TNRC18: variants seen among roughly 807,000 people sequenced by gnomAD.
The protein encoded by TNRC18 is trinucleotide repeat-containing gene 18 protein.
In TNRC18, 69 loss-of-function variants were observed where a neutral mutation model predicts 226.7. The ratio of observed to expected loss-of-function variants is 0.30; its 90% confidence interval spans 0.25 to 0.37. The LOEUF (loss-of-function observed/expected upper bound fraction) is 0.37, where lower values mean the gene tolerates loss of function less well. TNRC18 is among the 10% of genes least tolerant of loss of function. TNRC18 has a pLI of 1.00. For synonymous variants in TNRC18, 2,449 were observed against 1,927.6 expected, an observed-to-expected ratio of 1.27 and a Z score of -7.09; for missense variants, 4,754 against 4,256.6, an observed-to-expected ratio of 1.12 and a Z score of -3.25.
At chr7:5,370,322 C>G in intron 11 of TNRC18, 53 bp downstream of exon 11, 1 of 1,497,540 alleles carries the variant, frequency 6.7e-7, no homozygotes, top group Non-Finnish European at 8.9e-7. Context: ...GACCCCATCA[C>G]CACAAAACTA....
chr7:5,345,554 C>A lies in TNRC18; in HGVS notation c.5719+8G>T. ...CACCCCCACCGCAGCCCACCTGCTG[C>A]CACTTACCCAGCAGGCTCTGCCGCT... On this transcript the variant is annotated splice_region_variant and intron_variant, in intron 18 of 29. Transcript: ENST00000430969. 1 of 1,453,214 alleles carries A rather than the reference C, an allele frequency of 6.9e-7. No homozygotes were observed. The highest frequency in any genetic ancestry group is 9.1e-7 in the Non-Finnish European group (1 of 1,094,234). 90.0% of individuals were successfully genotyped at this position (1,453,214 alleles called of 1,614,324 possible).
Position 5,308,055 on chromosome 7 carries a change from T to C in TNRC18, c.*51A>G, listed in dbSNP as rs1182111153. ...CTCCGCGCCATGGCAGTGATGGAGA[T>C]GGGTCCCTGGCCGCCCTCGGGGCAC... is the stretch of plus-strand genomic sequence containing the variant. On this transcript the variant is annotated 3_prime_UTR_variant, in exon 30 of 30. Coordinates refer to ENST00000430969, the MANE Select transcript of TNRC18 (RefSeq NM_001080495.3). 2.0e-6 allele frequency: 3 copies of C among 1,501,954 alleles called. No individual in the cohort carries two copies. Among genetic ancestry groups the C allele is most frequent in the Admixed American group, 2.0e-5 (1 of 49,144 alleles). The allele number at this position is 1,501,954 out of a possible 1,614,324, so 93.0% of individuals were successfully genotyped here.
intron 19 of TNRC18, 26 bp from the exon 20 acceptor site, chr7:5,325,274 G>C: frequency 6.5e-7 from 1 of 1,543,336 alleles, no homozygotes; most frequent in Non-Finnish European, 8.7e-7. Flanking sequence ...GCAGAGAGGA[G>C]CCATCAAACG....
rs1035133969 is a variant in TNRC18 at position 5,403,757 on chromosome 7, A to G, written c.188-9162T>C. Among the ~76,000 whole-genome samples the G allele has an allele frequency of 5.9e-5, 9 of 151,790 alleles. No homozygotes were observed. The South Asian group carries it at 1.9e-3, about 32-fold the overall frequency. The stretch of plus-strand genomic sequence containing the variant: ...TTGAGCTATGGTTGCACCACTGCAC[A>G]CCAGCCTGGGCAACAGAGTGAGACC... On this transcript the variant is annotated intron_variant, in intron 2 of 29. Transcript: ENST00000430969.
chr7:5,370,540 G>A lies in TNRC18; in HGVS notation c.4054C>T (p.Pro1352Ser), dbSNP rs1281915100. The A allele has an allele frequency of 1.2e-6, 2 of 1,605,358 alleles. No individual in the cohort carries two copies. The highest frequency in any genetic ancestry group is 1.7e-5 in the Admixed American group (1 of 58,592). Residue 1352 changes from proline to serine, a missense_variant, in exon 11 of 30, where the codon CCC becomes TCC. Pro to Ser is a moderately conservative substitution (Grantham distance 74, BLOSUM62 -1). Transcript: ENST00000430969. ...MNALAAAAEL[P>S]QARPLPSPGA... is the part of the protein sequence containing the mutation. ...GGGGAGGGCAGAGGCCTGGCCTGGGGCAGCTCCGCAGCTGCCGCCAGGGCG... is the reference window on the plus strand; with the variant it reads ...GGGGAGGGCAGAGGCCTGGCCTGGGACAGCTCCGCAGCTGCCGCCAGGGCG...
chr7:5,332,995 G>T lies in TNRC18; in HGVS notation c.5774C>A (p.Ser1925Ter). 2 of 1,574,226 alleles carry T rather than the reference G, an allele frequency of 1.3e-6. No individual in the cohort carries two copies. Among genetic ancestry groups the T allele is most frequent in the South Asian group, 1.1e-5 (1 of 87,076 alleles). ...CTTGGGCCGCAGCAGCCCCGCAGGC[G>T]ACCGCTTGCGCACCTTGACCTCGCT... ...SESEVKVRKRSPAGLLRPKKG... is the reference protein window; with the variant it reads ...SESEVKVRKR The change falls in exon 19 of 30, where the codon TCG becomes TAG. Residue 1925 changes from serine to a stop codon, truncating the protein, a stop_gained. Coordinates refer to ENST00000430969, the MANE Select transcript of TNRC18 (RefSeq NM_001080495.3). LOFTEE classifies it high-confidence loss of function.
chr7:5,311,797 G>T (rs1444403305), intron 27 of TNRC18, among the ~76,000 whole-genome samples: 1 of 149,820 alleles, frequency 6.7e-6, no homozygotes, highest in African/African-American at 2.5e-5. Context: ...CAGCCTGGGT[G>T]ACGGAGCAAG....
intron 2 of TNRC18, among the ~76,000 whole-genome samples, chr7:5,408,375 G>A (rs559997840): frequency 1.1e-4 from 16 of 151,750 alleles, no homozygotes; most frequent in Admixed American, 4.6e-4. Flanking sequence ...CTGGCCAGGC[G>A]CATAGCTCAC....
rs1644071060 is a variant in TNRC18, at chr7:5,414,327, A to G, written c.187+6733T>C. Reference sequence around the variant, plus strand: ...ATTATATATGTATATTTATAGATATAAAATAGATATTTTTTCTTTTCCTGA... The same window carrying G: ...ATTATATATGTATATTTATAGATATGAAATAGATATTTTTTCTTTTCCTGA... On this transcript the variant is annotated intron_variant, in intron 2 of 29. Coordinates refer to ENST00000430969, the MANE Select transcript of TNRC18 (RefSeq NM_001080495.3). Among the ~76,000 whole-genome samples, 3 of 150,842 alleles carry G rather than the reference A, an allele frequency of 2.0e-5. No homozygotes were observed. The South Asian group carries it at 6.2e-4, about 31-fold the overall frequency.
chr7:5,420,887 C>CGCCGAGGCCGCCGGACTG (rs139552678), intron 2 of TNRC18, 173 bp downstream of exon 2: 2 of 837,970 alleles, frequency 2.4e-6, no homozygotes, highest in African/African-American at 3.4e-5. Flanking sequence ...CACTCTCCAC[C>CGCCGAGGCCGCCGGACTG]GCCTTGGCTC....
chr7:5,378,803 C>A (rs1779187518), intron 5 of TNRC18, among the ~76,000 whole-genome samples: 1 of 152,150 alleles, frequency 6.6e-6, no homozygotes, highest in Non-Finnish European at 1.5e-5. Flanking sequence ...AGAAAAAAAA[C>A]ACAACCCAAA....
Position 5,320,407 on chromosome 7 carries a change from G to T in TNRC18, c.6656C>A (p.Ala2219Asp). ...CCCTTGTGGCAAGAAGCGAGTGGAG[G>T]CTGGCCTCACATCGATGATCTAGAA... ...LQEAIIDVRPASTRFLPQGTR... is the reference protein window; with the variant it reads ...LQEAIIDVRPDSTRFLPQGTR... The change falls in exon 24 of 30, where the codon GCC (alanine) becomes GAC (aspartate). Residue 2219 changes from alanine to aspartate, a missense_variant. By Grantham distance (126) the Ala-to-Asp change is moderately radical. Coordinates refer to ENST00000430969, the MANE Select transcript of TNRC18 (RefSeq NM_001080495.3). 6.4e-7 allele frequency: 1 copy of T among 1,562,154 alleles called. No homozygotes were observed. Among genetic ancestry groups the T allele is most frequent in the Non-Finnish European group, 8.7e-7 (1 of 1,153,106 alleles).
In TNRC18 at chr7:5,388,395, G is replaced by C; in HGVS notation, c.1429C>G (p.Arg477Gly). 1 of 1,510,210 alleles carries C rather than the reference G, an allele frequency of 6.6e-7. No individual in the cohort carries two copies. The highest frequency in any genetic ancestry group is 8.8e-7 in the Non-Finnish European group (1 of 1,137,404). 93.6% of individuals were successfully genotyped at this position (1,510,210 alleles called of 1,614,324 possible). Residue 477 changes from arginine to glycine, a missense_variant, in exon 5 of 30, where the codon CGT becomes GGT. Physicochemically the swap from Arg to Gly is moderately radical, Grantham distance 125. Transcript: ENST00000430969. ...GGACCGGCTGGGCCGCGGGGCGCACGCTCGCAGGGCCTCGGGTCCGCCTCG... is the reference window on the plus strand; with the variant it reads ...GGACCGGCTGGGCCGCGGGGCGCACCCTCGCAGGGCCTCGGGTCCGCCTCG... ...KPEADPRPCERAPRGPAGPAA... is the reference protein window; with the variant it reads ...KPEADPRPCEGAPRGPAGPAA...
Position 5,421,955 on chromosome 7 carries a change from C to T in TNRC18, c.-243-466G>A, listed in dbSNP as rs563768187. Among the ~76,000 whole-genome samples the T allele has an allele frequency of 1.5e-3, 227 of 152,312 alleles. 3 individuals carry two copies. The highest frequency in any genetic ancestry group is 0.015 in the Admixed American group (223 of 15,306). ...TGATCCGCAAAGTTTAATATTTAAC[C>T]TTTTGGAGACCTCGCCTCCCTTTTC... On this transcript the variant is annotated intron_variant, in intron 1 of 29. Transcript: ENST00000430969.
chr7:5,419,836 AAGAGAGAGCAAAATCGGCGAGCTCCGCCG>A (rs2128224861), intron 2 of TNRC18: 1 of 152,306 alleles, frequency 6.6e-6, no homozygotes, highest in South Asian at 2.1e-4. Flanking sequence ...AGAAAAATCA[AAGAGAGAGCAAAATCGGCGAGCTCCGCCG>A]AGCGGGCGGG....
intron 2 of TNRC18, among the ~76,000 whole-genome samples, chr7:5,419,217 G>T (rs1289516295): frequency 2.0e-5 from 3 of 152,254 alleles, no homozygotes; most frequent in African/African-American, 7.2e-5. Flanking sequence ...CAGATTAGGC[G>T]CGGCCCTGGC....
At chr7:5,411,805 A>T in intron 2 of TNRC18, among the ~76,000 whole-genome samples, 1 of 152,142 alleles carries the variant, frequency 6.6e-6, no homozygotes, top group Non-Finnish European at 1.5e-5. Flanking sequence ...TAGAGAAGGA[A>T]GATGGAAAAT....
intron 2 of TNRC18, among the ~76,000 whole-genome samples, chr7:5,416,105 CTCTCG>C (rs1782167728): frequency 2.3e-5 from 3 of 128,840 alleles, no homozygotes; most frequent in African/African-American, 3.0e-5. Context: ...GAGCAAGACT[CTCTCG>C]CAAAAAAAAA....
chr7:5,332,377 G>A lies in TNRC18; in HGVS notation c.6147+245C>T, dbSNP rs558953648. 2.6e-5 allele frequency among the ~76,000 whole-genome samples: 4 copies of A among 152,322 alleles called. No homozygotes were observed. The East Asian group carries it at 7.7e-4, about 29-fold the overall frequency. The stretch of plus-strand genomic sequence containing the variant: ...GAGGCCAGGAGGTAAAGGCTGCAGT[G>A]AGCCATGATCAGGCCACTGCGCTCC... On this transcript the variant is annotated intron_variant, in intron 19 of 29. Coordinates refer to ENST00000430969, the MANE Select transcript of TNRC18 (RefSeq NM_001080495.3).
Sources: allele counts gnomAD v4.1 joint callset (sites outside exome capture counted in the v4.1 genomes callset), GRCh38; gene constraint gnomAD v4.1.1; transcripts MANE v1.5; gene names NCBI Gene and HGNC (gene_info 2026-07-23, HGNC 2026-07-21).